Variants in ORC1 observed in about 807,000 individuals in gnomAD.
The protein encoded by ORC1 is origin recognition complex, subunit 1 homolog.
A neutral mutation model predicts 98.9 loss-of-function variants in ORC1; 61 were observed. The ratio of observed to expected loss-of-function variants is 0.62; its 90% CI spans 0.50 to 0.76. The LOEUF is 0.76. ORC1 is among the 30% of genes least tolerant of loss of function. The pLI is 0.00. For synonymous variants in ORC1, 385 were observed against 406.9 expected (o/e 0.95, Z 0.65); for missense variants, 979 against 1,072.2 (o/e 0.91, Z 1.21).
intron 13 of ORC1, among the ~76,000 whole-genome samples, chr1:52,383,075 C>CA (rs1647093203): frequency 6.9e-6 from 1 of 144,916 alleles, no homozygotes; most frequent in African/African-American, 2.5e-5. Context: ...TTTTGCAGAA[C>CA]TTTTTTTTTT....
chr1:52,406,829 A>G (rs72666822), upstream of ORC1, among the ~76,000 whole-genome samples: 68 of 152,286 alleles, frequency 4.5e-4, no homozygotes, highest in Middle Eastern at 3.4e-3. Flanking sequence ...AGGAGAGGAA[A>G]CTGAGGCACA....
chr1:52,379,043 A>C (rs1031907851), intron 14 of ORC1, among the ~76,000 whole-genome samples: 1 of 152,010 alleles, frequency 6.6e-6, no homozygotes, highest in Non-Finnish European at 1.5e-5. Flanking sequence ...AAAAAAAAAA[A>C]TTATAATAAT....
intron 11 of ORC1, among the ~76,000 whole-genome samples, 169 bp from the exon 12 acceptor site, chr1:52,384,106 G>A (rs893406423): frequency 5.9e-5 from 9 of 152,218 alleles, no homozygotes; most frequent in East Asian, 1.9e-4. Context: ...AGAAGGCACC[G>A]AAAGAGAAGA....
chr1:52,409,331 C>G (rs534488514), upstream of ORC1, among the ~76,000 whole-genome samples: 1 of 152,236 alleles, frequency 6.6e-6, no homozygotes, highest in Admixed American at 6.5e-5. Flanking sequence ...GAATTTGGGG[C>G]CAAGCACGGT....
At chr1:52,408,039 G>A (rs1401718699), upstream of ORC1, among the ~76,000 whole-genome samples, 1 of 152,196 alleles carries the variant, frequency 6.6e-6, no homozygotes, top group Non-Finnish European at 1.5e-5. Flanking sequence ...CTGGGCAACA[G>A]AGCAAGATTC....
At chr1:52,397,540 AACAG>A (rs1647461708) in intron 4 of ORC1, 141 bp downstream of exon 4, 4 of 808,442 alleles carry the variant, frequency 4.9e-6, no homozygotes. Context: ...GTTGAGATGA[AACAG>A]ACAGGCAAGC....
At chr1:52,399,087 C>T (rs1647568410) in intron 3 of ORC1, among the ~76,000 whole-genome samples, 1 of 152,094 alleles carries the variant, frequency 6.6e-6, no homozygotes, top group Admixed American at 6.5e-5. Flanking sequence ...AAAGGAATGA[C>T]AAAAAGGCCT....
chr1:52,392,701 C>T (rs1376332198), intron 6 of ORC1, among the ~76,000 whole-genome samples: 2 of 152,120 alleles, frequency 1.3e-5, no homozygotes, highest in Admixed American at 6.5e-5. Context: ...AAATGTGGTA[C>T]ATATTTACCA....
At chr1:52,398,686 A>G (rs1044602558) in intron 3 of ORC1, among the ~76,000 whole-genome samples, 13 of 151,876 alleles carry the variant, frequency 8.6e-5, no homozygotes, top group South Asian at 2.1e-4. Context: ...GGTTCACACC[A>G]TTCTCCTGCC....
At chr1:52,389,596 C>G (rs1474890877) in intron 6 of ORC1, among the ~76,000 whole-genome samples, 5 of 152,110 alleles carry the variant, frequency 3.3e-5, no homozygotes, top group Non-Finnish European at 7.4e-5. Context: ...TATGCTACTC[C>G]CAGGGAGAGG....
At chr1:52,402,351 C>T (rs1413674146) in intron 1 of ORC1, 123 bp from the exon 2 acceptor site, 9 of 752,132 alleles carry the variant, frequency 1.2e-5, no homozygotes, top group Non-Finnish European at 2.1e-5. Context: ...CCCTGCTACA[C>T]TCCCATACAT....
At chr1:52,373,841 T>C (rs1485923696) in intron 16 of ORC1, among the ~76,000 whole-genome samples, 2 of 152,134 alleles carry the variant, frequency 1.3e-5, no homozygotes, top group African/African-American at 2.4e-5. Flanking sequence ...TGCCAAGGCA[T>C]GACCCTTGGA....
At chr1:52,404,955 C>G, upstream of ORC1, 2 of 1,548,996 alleles carry the variant, frequency 1.3e-6, no homozygotes, top group South Asian at 2.4e-5. Context: ...GTAGGACTAG[C>G]GACTGGCCTC....
chr1:52,386,091 A>G, intron 8 of ORC1, 142 bp from the exon 9 acceptor site: 1 of 718,050 alleles, frequency 1.4e-6, no homozygotes. Context: ...ATAAAGGACC[A>G]TGACTCTCCC....
intron 3 of ORC1, among the ~76,000 whole-genome samples, chr1:52,401,024 A>G (rs547589559): frequency 6.6e-6 from 1 of 152,338 alleles, no homozygotes; most frequent in Admixed American, 6.5e-5. Flanking sequence ...ACTAAAGGAC[A>G]CATCTCTATG....
rs529184253 is a variant in ORC1, at chr1:52,394,413, G to A, written c.722-610C>T. Among the ~76,000 whole-genome samples, 10 of 152,310 alleles carry A rather than the reference G, an allele frequency of 6.6e-5. No homozygotes were observed. The South Asian group carries it at 2.1e-3, about 32-fold the overall frequency. ...CAGGGGCTGAGGTTAAACAAAAGCT[G>A]AATGAGGCTCAATCCTGGTTCCAAC... is the stretch of plus-strand genomic sequence containing the variant. On this transcript the variant is annotated intron_variant, in intron 5 of 16. Coordinates refer to ENST00000371568, the MANE Select transcript of ORC1 (RefSeq NM_004153.4).
chr1:52,379,811 T>C (rs1016608352), intron 14 of ORC1, among the ~76,000 whole-genome samples: 5 of 152,040 alleles, frequency 3.3e-5, no homozygotes, highest in Admixed American at 6.6e-5. Flanking sequence ...TGTGCACCTA[T>C]AGTCCCAGCT....
At chr1:52,393,052 A>T (rs920518552) in intron 6 of ORC1, among the ~76,000 whole-genome samples, 11 of 152,216 alleles carry the variant, frequency 7.2e-5, no homozygotes, top group African/African-American at 2.7e-4. Flanking sequence ...AAAACTATTG[A>T]AATAAAATGA....
At chr1:52,385,378 T>C in intron 9 of ORC1, 116 bp from the exon 10 acceptor site, 1 of 814,962 alleles carries the variant, frequency 1.2e-6, no homozygotes, top group East Asian at 2.4e-5. Context: ...ACCTGAAAAC[T>C]CAATTTCAAA....
Sources: allele counts gnomAD v4.1 joint callset (sites outside exome capture counted in the v4.1 genomes callset), GRCh38; gene constraint gnomAD v4.1.1; transcripts MANE v1.5; gene names NCBI Gene and HGNC (gene_info 2026-07-23, HGNC 2026-07-21).